The following MACC1 variants were observed in gnomAD, a reference collection of about 807,000 sequenced individuals.
MACC1 encodes the protein MET transcriptional regulator MACC1, also known as metastasis-associated in colon cancer protein 1.
In MACC1, 79 loss-of-function variants were observed where a neutral mutation model predicts 70.7. That is an observed-to-expected ratio of 1.12 (90% confidence interval 0.93 to 1.35). The LOEUF (loss-of-function observed/expected upper bound fraction) is 1.35. Among genes scored for constraint, MACC1 ranks in the 40% most tolerant of loss-of-function variants. The pLI, the probability that MACC1 is intolerant of heterozygous loss-of-function variation, is 0.00. For synonymous variants in MACC1, 361 were observed against 347.2 expected, an observed-to-expected ratio of 1.04 and a Z score of -0.44; for missense variants, 1,106 against 978.1, an observed-to-expected ratio of 1.13 and a Z score of -1.74.
chr7:20,179,190 CA>C (rs1452735634), intron 1 of MACC1, among the ~76,000 whole-genome samples: 2 of 151,982 alleles, frequency 1.3e-5, no homozygotes, highest in Admixed American at 1.3e-4. Context: ...ATATTCTCAT[CA>C]GTGCTTTTTC....
intron 1 of MACC1, among the ~76,000 whole-genome samples, chr7:20,196,880 T>G (rs905631638): frequency 6.6e-6 from 1 of 152,166 alleles, no homozygotes; most frequent in Non-Finnish European, 1.5e-5. Context: ...TCGCAGCCAC[T>G]CACTTTCACT....
chr7:20,135,821 C>G lies in MACC1; in HGVS notation c.*5125G>C, dbSNP rs1385149935. ...GCACCATACTGTAGTTTGTTTTAAA[C>G]AGCTGGAAGTCACCAATTGTTCAAA... On this transcript the variant is annotated 3_prime_UTR_variant, in exon 7 of 7. Transcript: ENST00000400331. 6.6e-6 allele frequency: 1 copy of G among 152,166 alleles called. No individual in the cohort carries two copies. Among genetic ancestry groups the G allele is most frequent in the African/African-American group, 2.4e-5 (1 of 41,442 alleles). 9.4% of individuals were successfully genotyped at this position (152,166 alleles called of 1,614,324 possible).
At chr7:20,170,988 T>A (rs145626775) in intron 1 of MACC1, among the ~76,000 whole-genome samples, 1 of 152,218 alleles carries the variant, frequency 6.6e-6, no homozygotes, top group African/African-American at 2.4e-5. Context: ...TAGTTTCTAA[T>A]GTTTCAGGGA....
chr7:20,159,648 T>G lies in MACC1; in HGVS notation c.713A>C (p.Gln238Pro). The G allele has an allele frequency of 6.2e-7, 1 of 1,614,108 alleles. No individual in the cohort carries two copies. The highest frequency in any genetic ancestry group is 1.1e-5 in the South Asian group (1 of 91,072). Residue 238 changes from glutamine (Q) to proline (P), a missense_variant, in exon 5 of 7, where the codon CAA becomes CCA. Transcript: ENST00000400331. ...PESDITVHVP[Q>P]GHVAVGEFQE... ...GAATTCTCCCACAGCCACATGACCT[T>G]GGGGCACATGAACAGTGATGTCTGA...
chr7:20,156,331 G>A (rs1446732093), intron 5 of MACC1, among the ~76,000 whole-genome samples: 6 of 152,040 alleles, frequency 3.9e-5, no homozygotes, highest in South Asian at 4.1e-4. Flanking sequence ...GAAGCTCCCC[G>A]CTTGAATGGA....
intron 1 of MACC1, among the ~76,000 whole-genome samples, chr7:20,183,799 C>T (rs1029291332): frequency 3.3e-5 from 5 of 151,016 alleles, no homozygotes; most frequent in Non-Finnish European, 7.4e-5. Context: ...GCCTCCGTTC[C>T]CGGGTTCAAG....
chr7:20,186,459 C>T (rs115223837), intron 1 of MACC1, among the ~76,000 whole-genome samples: 3,547 of 151,778 alleles, frequency 0.023, 135 homozygotes, highest in African/African-American at 0.081. Context: ...CATAATAGGG[C>T]ACCATAAAAA....
chr7:20,179,543 T>A lies in MACC1; in HGVS notation c.-217-8765A>T, dbSNP rs189469462. Among the ~76,000 whole-genome samples the A allele has an allele frequency of 8.5e-5, 13 of 152,344 alleles. No individual in the cohort carries two copies. In the East Asian group the frequency reaches 2.5e-3, roughly 29 times the overall value. On this transcript the variant is annotated intron_variant, in intron 1 of 6. Transcript: ENST00000400331. The stretch of plus-strand genomic sequence containing the variant: ...GCTTCTGTCCCATGATGGTATTCGA[T>A]ATATTGCAGATCCATGCAAAAAGCC...
intron 1 of MACC1, among the ~76,000 whole-genome samples, chr7:20,215,609 G>T (rs1015878802): frequency 3.9e-5 from 6 of 152,134 alleles, no homozygotes; most frequent in Non-Finnish European, 5.9e-5. Flanking sequence ...CATCTGAAAT[G>T]CTGGTTGTTA....
chr7:20,155,139 C>CT (rs924791528), intron 5 of MACC1, among the ~76,000 whole-genome samples: 12 of 152,014 alleles, frequency 7.9e-5, no homozygotes, highest in African/African-American at 2.7e-4. Context: ...TGTGTTTTGC[C>CT]TTGAGTACCA....
intron 5 of MACC1, among the ~76,000 whole-genome samples, chr7:20,156,835 C>G (rs904064753): frequency 6.6e-6 from 1 of 152,152 alleles, no homozygotes; most frequent in African/African-American, 2.4e-5. Context: ...ATATTTTCTA[C>G]TTCTTTTGCA....
chr7:20,163,465 G>A (rs192135729), intron 3 of MACC1, among the ~76,000 whole-genome samples: 3 of 152,270 alleles, frequency 2.0e-5, no homozygotes, highest in African/African-American at 7.2e-5. Flanking sequence ...AGATATACAT[G>A]AATATTCATT....
chr7:20,158,859 G>A lies in MACC1; in HGVS notation c.1502C>T (p.Ser501Phe). 6.2e-7 allele frequency: 1 copy of A among 1,614,104 alleles called. No individual in the cohort carries two copies. The highest frequency in any genetic ancestry group is 8.5e-7 in the Non-Finnish European group (1 of 1,180,016). The stretch of plus-strand genomic sequence containing the variant: ...TGGGGTTGGATCAGGAGTAGTGATA[G>A]AGAACTGTGCAACTGGTTCACCATT... ...PPNGEPVAQF[S>F]ITTPDPTPNL... The change falls in exon 5 of 7, where the codon TCT becomes TTT. Residue 501 changes from serine to phenylalanine, a missense_variant. Ser to Phe is a radical substitution (Grantham distance 155). Coordinates refer to ENST00000400331, the MANE Select transcript of MACC1 (RefSeq NM_182762.4).
chr7:20,196,086 C>T (rs183328312), intron 1 of MACC1, among the ~76,000 whole-genome samples: 102 of 152,176 alleles, frequency 6.7e-4, no homozygotes, highest in Non-Finnish European at 1.2e-3. Context: ...TCCCTTTGGC[C>T]AAATGAGGGT....
At chr7:20,207,614 G>C (rs1344405324) in intron 1 of MACC1, among the ~76,000 whole-genome samples, 1 of 152,058 alleles carries the variant, frequency 6.6e-6, no homozygotes, top group African/African-American at 2.4e-5. Flanking sequence ...TATTCACCAT[G>C]TTGAATTTCT....
At position 20,158,861 on chromosome 7, in the gene MACC1, G is replaced by A. The variant is rs1295197080; in HGVS notation, c.1500C>T (p.Phe500=). The change falls in exon 5 of 7, where the codon TTC becomes TTT. Residue 500 remains phenylalanine (F), a synonymous_variant. Transcript: ENST00000400331. ...EPPNGEPVAQ[F]SITTPDPTPN... is the part of the protein sequence containing the mutation. ...GGGTTGGATCAGGAGTAGTGATAGAGAACTGTGCAACTGGTTCACCATTGG... is the reference window on the plus strand; with the variant it reads ...GGGTTGGATCAGGAGTAGTGATAGAAAACTGTGCAACTGGTTCACCATTGG... 6.2e-7 allele frequency: 1 copy of A among 1,614,090 alleles called. No individual in the cohort carries two copies. The highest frequency in any genetic ancestry group is 2.2e-5 in the East Asian group (1 of 44,862).
At chr7:20,157,476 T>C (rs1052048374) in intron 5 of MACC1, among the ~76,000 whole-genome samples, 2 of 151,764 alleles carry the variant, frequency 1.3e-5, no homozygotes, top group East Asian at 1.9e-4. Flanking sequence ...CTAAAGGATA[T>C]TGGTAATACA....
At chr7:20,185,544 T>A (rs1176624097) in intron 1 of MACC1, among the ~76,000 whole-genome samples, 1 of 152,102 alleles carries the variant, frequency 6.6e-6, no homozygotes, top group Non-Finnish European at 1.5e-5. Flanking sequence ...AAAAGAAAAT[T>A]TTCTGCTTTT....
At chr7:20,205,140 G>C (rs190105646) in intron 1 of MACC1, among the ~76,000 whole-genome samples, 47 of 152,158 alleles carry the variant, frequency 3.1e-4, no homozygotes, top group Non-Finnish European at 4.0e-4. Context: ...TTTTACCTCT[G>C]ATGGATTTTC....
Sources: allele counts gnomAD v4.1 joint callset (sites outside exome capture counted in the v4.1 genomes callset), GRCh38; gene constraint gnomAD v4.1.1; transcripts MANE v1.5; gene names NCBI Gene and HGNC (gene_info 2026-07-23, HGNC 2026-07-21).